Variants in SLC9A7 observed in about 807,000 individuals in gnomAD.
SLC9A7 encodes sodium/hydrogen exchanger 7.
Under a neutral mutation model 52.6 loss-of-function variants are expected in SLC9A7, and 19 were observed. That is an observed-to-expected ratio of 0.36 (90% CI 0.25 to 0.53). The LOEUF is 0.53. Ranked by LOEUF, SLC9A7 falls within the 20% of genes least tolerant of loss-of-function variation. The pLI is 0.91. For missense variants in SLC9A7, 455 were observed against 597.9 expected (o/e 0.76, Z 2.49); for synonymous variants, 226 against 252.1 (o/e 0.90, Z 0.98).
At chrX:46,627,124 C>T (rs2146714859) in intron 14 of SLC9A7, among the ~76,000 whole-genome samples, 1 of 111,041 alleles carries the variant, frequency 9.0e-6, no homozygotes, top group Non-Finnish European at 1.9e-5. Context: ...CCAGCCTGTG[C>T]AACAAAGCAA....
chrX:46,681,603 C>A (rs761032818), intron 2 of SLC9A7, among the ~76,000 whole-genome samples: 1 of 112,301 alleles, frequency 8.9e-6, no homozygotes, highest in African/African-American at 3.2e-5. Flanking sequence ...TTAAAATGGG[C>A]TCCCCACAAC....
chrX:46,665,612 C>A lies in SLC9A7; in HGVS notation c.794-2969G>T, dbSNP rs140395209. 1.7e-3 allele frequency among the ~76,000 whole-genome samples: 185 copies of A among 105,939 alleles called. 3 individuals carry two copies. In the South Asian group the frequency reaches 0.04, roughly 23 times the overall value. The allele number at this position is 105,939 out of a possible 115,157, so 92.0% of individuals were successfully genotyped here. A position where few individuals can be genotyped will look rare whatever the true frequency, so the allele number is the denominator to read the frequency against. ...TTAAGATAGTAAATTTTATGTCAGG[C>A]ATTTTTACCACAATAAAAAATTAAT... On this transcript the variant is annotated intron_variant, in intron 5 of 16. Coordinates refer to ENST00000616978, the MANE Select transcript of SLC9A7 (RefSeq NM_001257291.2).
rs572821719 is a variant in SLC9A7 at position 46,746,448 on chromosome X, C to CA, written c.325+12256dup. ...ATAAGGAGCTCAAACAACTTAACAGCAAAAAAAAAATCCTATTAAAAATGA... is the reference window on the plus strand; with the variant it reads ...ATAAGGAGCTCAAACAACTTAACAGCAAAAAAAAAAATCCTATTAAAAATGA... On this transcript the variant is annotated intron_variant, in intron 1 of 16. Transcript: ENST00000616978. Among the ~76,000 whole-genome samples, 90 of 105,866 alleles carry CA rather than the reference C, an allele frequency of 8.5e-4. 1 individual carries two copies. Among genetic ancestry groups the CA allele is most frequent in the East Asian group, 2.0e-3 (7 of 3,423 alleles). The allele number at this position is 105,866 out of a possible 115,157, so 91.9% of individuals were successfully genotyped here.
chrX:46,651,515 C>G lies in SLC9A7; in HGVS notation c.1148-111G>C, dbSNP rs1046343475. The G allele has an allele frequency of 8.4e-6, 5 of 597,499 alleles. No individual in the cohort carries two copies. In the Admixed American group the frequency reaches 1.2e-4, roughly 14 times the overall value. The allele number at this position is 597,499 out of a possible 1,213,427, so 49.2% of individuals were successfully genotyped here. On this transcript the variant is annotated intron_variant, in intron 8 of 16. Transcript: ENST00000616978. ...TAGGCAAGCCTAGCATATCCAACTT[C>G]CTGAATATTTTTGAAACTTTCCTAT...
At chrX:46,716,727 A>G (rs1301687221) in intron 1 of SLC9A7, among the ~76,000 whole-genome samples, 1 of 112,623 alleles carries the variant, frequency 8.9e-6, no homozygotes, top group Non-Finnish European at 1.9e-5. Flanking sequence ...TCTGATATCA[A>G]TAGGCAAATA....
Position 46,730,695 on chromosome X carries a change from TATATATATATATATAA to T in SLC9A7, c.325+27994_325+28009del, listed in dbSNP as rs1263459800. Among the ~76,000 whole-genome samples, 3 of 48,808 alleles carry T rather than the reference TATATATATATATATAA, an allele frequency of 6.1e-5. 1 individual carries two copies. The highest frequency in any genetic ancestry group is 8.0e-5 in the Non-Finnish European group (2 of 25,026). 42.4% of individuals were successfully genotyped at this position (48,808 alleles called of 115,157 possible). A position where few individuals can be genotyped will look rare whatever the true frequency, so the allele number is the denominator to read the frequency against. ...TTATATATATATATATATATATATA[TATATATATATATATAA>T]AATGGATGAGAAGACCTTGTTTATA... On this transcript the variant is annotated intron_variant, in intron 1 of 16. Transcript: ENST00000616978.
intron 1 of SLC9A7, among the ~76,000 whole-genome samples, chrX:46,713,055 T>G (rs995712326): frequency 8.9e-6 from 1 of 112,704 alleles, no homozygotes; most frequent in Non-Finnish European, 1.9e-5. Context: ...TTGTGTGCTA[T>G]TTAATTCTCA....
At chrX:46,711,863 G>A (rs1375393024) in intron 1 of SLC9A7, among the ~76,000 whole-genome samples, 3 of 101,881 alleles carry the variant, frequency 2.9e-5, no homozygotes, top group Admixed American at 1.1e-4. Context: ...AAAACAACCA[G>A]GGAAGGCACT....
chrX:46,755,593 G>A (rs1556291676), intron 1 of SLC9A7, among the ~76,000 whole-genome samples: 1 of 110,683 alleles, frequency 9.0e-6, no homozygotes, highest in African/African-American at 3.3e-5. Flanking sequence ...CACTTTGGGA[G>A]GCTGAGGTGG....
intron 1 of SLC9A7, among the ~76,000 whole-genome samples, chrX:46,727,614 T>C (rs886406162): frequency 1.8e-5 from 2 of 112,210 alleles, no homozygotes; most frequent in Non-Finnish European, 3.8e-5. Flanking sequence ...ATAGCCATCC[T>C]TGTGAGTAGA....
At chrX:46,681,368 T>A (rs1013625843) in intron 2 of SLC9A7, among the ~76,000 whole-genome samples, 1 of 112,309 alleles carries the variant, frequency 8.9e-6, no homozygotes, top group Admixed American at 9.4e-5. Flanking sequence ...GCGCTGAATT[T>A]CAGAATGTTT....
Position 46,696,145 on chromosome X carries a change from C to T in SLC9A7, c.326-13610G>A, listed in dbSNP as rs1239872710. Among the ~76,000 whole-genome samples, 4 of 109,989 alleles carry T rather than the reference C, an allele frequency of 3.6e-5. No homozygotes were observed. The East Asian group carries it at 1.1e-3, about 31-fold the overall frequency. ...GGATTACAGGCGCCCGCCACCACGGCCGGCTAATTTTTGTATTTTTAGTAG... is the reference window on the plus strand; with the variant it reads ...GGATTACAGGCGCCCGCCACCACGGTCGGCTAATTTTTGTATTTTTAGTAG... On this transcript the variant is annotated intron_variant, in intron 1 of 16. Coordinates refer to ENST00000616978, the MANE Select transcript of SLC9A7 (RefSeq NM_001257291.2).
At chrX:46,653,512 T>C (rs1943617495) in intron 8 of SLC9A7, 97 bp downstream of exon 8, 1 of 528,051 alleles carries the variant, frequency 1.9e-6, no homozygotes, top group Admixed American at 3.3e-5. Context: ...AGTTAAACTC[T>C]GTGCAGCTGT....
At chrX:46,711,910 A>T (rs1331156337) in intron 1 of SLC9A7, among the ~76,000 whole-genome samples, 1 of 100,014 alleles carries the variant, frequency 1.0e-5, no homozygotes, top group Non-Finnish European at 1.9e-5. Flanking sequence ...ACACACACAC[A>T]CACACACACA....
At chrX:46,652,679 G>A (rs1186137405) in intron 8 of SLC9A7, among the ~76,000 whole-genome samples, 1 of 111,938 alleles carries the variant, frequency 8.9e-6, no homozygotes, top group Non-Finnish European at 1.9e-5. Flanking sequence ...TTTTGAAAGG[G>A]TGACAAAAGT....
At chrX:46,671,261 T>C (rs1346465259) in intron 4 of SLC9A7, among the ~76,000 whole-genome samples, 1 of 110,529 alleles carries the variant, frequency 9.0e-6, no homozygotes, top group Admixed American at 9.6e-5. Context: ...TCTTAGACTT[T>C]GCTCATTTTG....
At chrX:46,707,547 A>G (rs1241110189) in intron 1 of SLC9A7, among the ~76,000 whole-genome samples, 1 of 112,305 alleles carries the variant, frequency 8.9e-6, no homozygotes, top group Non-Finnish European at 1.9e-5. Context: ...CTGCCTGACT[A>G]CATGGGCAAA....
chrX:46,636,072 C>G (rs1335830830), intron 12 of SLC9A7, among the ~76,000 whole-genome samples: 2 of 111,756 alleles, frequency 1.8e-5, no homozygotes, highest in Non-Finnish European at 3.8e-5. Flanking sequence ...ACATATTTGA[C>G]AGAAAGAACA....
chrX:46,672,687 A>G (rs1266443540), intron 3 of SLC9A7, 60 bp from the exon 4 acceptor site: 1 of 851,124 alleles, frequency 1.2e-6, no homozygotes, highest in African/African-American at 2.0e-5. Context: ...CAATGAGCTT[A>G]AGAAACACAT....
Sources: allele counts gnomAD v4.1 joint callset (sites outside exome capture counted in the v4.1 genomes callset), GRCh38; gene constraint gnomAD v4.1.1; transcripts MANE v1.5; gene names NCBI Gene and HGNC (gene_info 2026-07-23, HGNC 2026-07-21).